Variants in SCAI observed in about 807,000 individuals in gnomAD.
SCAI encodes suppressor of cancer cell invasion.
SCAI carries 24 observed loss-of-function variants against 92.2 expected under a neutral mutation model. The ratio of observed to expected loss-of-function variants is 0.26; its 90% CI spans 0.19 to 0.37. The LOEUF is 0.37. Among genes scored for constraint, SCAI ranks in the 10% least tolerant of loss-of-function variants. The pLI, the probability that SCAI is intolerant of heterozygous loss-of-function variation, is 1.00. For synonymous variants in SCAI, 261 were observed against 258.6 expected (o/e 1.01, Z -0.09); for missense variants, 450 against 736.2 (o/e 0.61, Z 4.50).
chr9:125,116,460 TAAG>T (rs1435447473), intron 2 of SCAI, among the ~76,000 whole-genome samples: 1 of 151,960 alleles, frequency 6.6e-6, no homozygotes, highest in African/African-American at 2.4e-5. Flanking sequence ...ATTTAAAAAA[TAAG>T]AAGTAGAACA....
chr9:125,076,908 G>T (rs917843773), intron 2 of SCAI, among the ~76,000 whole-genome samples: 2 of 152,120 alleles, frequency 1.3e-5, no homozygotes, highest in Non-Finnish European at 2.9e-5. Flanking sequence ...CACCATGTTG[G>T]CCAGGTTGGT....
At chr9:125,021,730 C>T (rs1284156451) in intron 6 of SCAI, among the ~76,000 whole-genome samples, 1 of 152,150 alleles carries the variant, frequency 6.6e-6, no homozygotes. Context: ...TCTTTCGACC[C>T]ATGAGTTACT....
chr9:124,971,854 C>T lies in SCAI; in HGVS notation c.1400-10G>A, dbSNP rs1831665672. ...CCTCGCTGAGATTGATCTGTAATAA[C>T]AAACATGTTATATATATAGACAATA... On this transcript the variant is annotated splice_polypyrimidine_tract_variant and intron_variant, in intron 15 of 17. Coordinates refer to ENST00000336505, the MANE Select transcript of SCAI (RefSeq NM_001144877.3). 2 of 1,561,610 alleles carry T rather than the reference C, an allele frequency of 1.3e-6. No homozygotes were observed. Among genetic ancestry groups the T allele is most frequent in the South Asian group, 2.4e-5 (2 of 82,394 alleles).
intron 2 of SCAI, among the ~76,000 whole-genome samples, chr9:125,133,406 A>G (rs1835446537): frequency 6.6e-6 from 1 of 152,180 alleles, no homozygotes; most frequent in Admixed American, 6.5e-5. Flanking sequence ...AAAAAAAAAG[A>G]TTTTGCTTTT....
Position 125,003,235 on chromosome 9 carries a change from A to G in SCAI, c.964-20T>C. On this transcript the variant is annotated intron_variant, in intron 10 of 17. Coordinates refer to ENST00000336505, the MANE Select transcript of SCAI (RefSeq NM_001144877.3). ...TGATTCCTATATTTACACACAGAAA[A>G]CATTATACATAAAAGCTGCATTTGA... The G allele has an allele frequency of 1.3e-6, 2 of 1,544,250 alleles. No homozygotes were observed. The highest frequency in any genetic ancestry group is 1.8e-6 in the Non-Finnish European group (2 of 1,117,018).
At chr9:125,021,339 T>C (rs764953049) in intron 6 of SCAI, among the ~76,000 whole-genome samples, 2 of 152,182 alleles carry the variant, frequency 1.3e-5, no homozygotes, top group Non-Finnish European at 2.9e-5. Flanking sequence ...TAGGTTTATA[T>C]CTACCACCTT....
At chr9:125,132,471 C>T (rs1835423523) in intron 2 of SCAI, among the ~76,000 whole-genome samples, 1 of 152,152 alleles carries the variant, frequency 6.6e-6, no homozygotes, top group Admixed American at 6.6e-5. Flanking sequence ...CATTCATTTG[C>T]ATGACTTGGA....
intron 9 of SCAI, among the ~76,000 whole-genome samples, chr9:125,009,046 A>C (rs1207517985): frequency 6.6e-6 from 1 of 152,192 alleles, no homozygotes; most frequent in East Asian, 1.9e-4. Flanking sequence ...TAATGAAATT[A>C]AATCTTCAAA....
intron 2 of SCAI, among the ~76,000 whole-genome samples, chr9:125,114,962 C>T (rs1490124422): frequency 5.9e-5 from 9 of 151,828 alleles, no homozygotes; most frequent in South Asian, 2.1e-4. Context: ...TAGTAGAGAC[C>T]GGGTTTTGCC....
chr9:125,067,768 T>G (rs759139570), intron 2 of SCAI, among the ~76,000 whole-genome samples: 1 of 152,140 alleles, frequency 6.6e-6, no homozygotes. Flanking sequence ...AACTAATACA[T>G]AGATACATAA....
At chr9:125,134,692 G>T (rs1835480693) in intron 2 of SCAI, among the ~76,000 whole-genome samples, 1 of 152,106 alleles carries the variant, frequency 6.6e-6, no homozygotes, top group Non-Finnish European at 1.5e-5. Flanking sequence ...TTGTGTGTGT[G>T]TGAGATGGAG....
chr9:125,075,157 C>T (rs533494047), intron 2 of SCAI, among the ~76,000 whole-genome samples: 6 of 152,196 alleles, frequency 3.9e-5, no homozygotes, highest in Admixed American at 1.3e-4. Flanking sequence ...AATCTGGAGA[C>T]GGATGTAAGG....
chr9:125,022,288 C>G (rs1288755446), intron 6 of SCAI, among the ~76,000 whole-genome samples: 1 of 152,146 alleles, frequency 6.6e-6, no homozygotes, highest in East Asian at 1.9e-4. Flanking sequence ...AACCTCTATT[C>G]TCAATAATAC....
chr9:124,952,828 C>G lies in SCAI; in HGVS notation c.1800G>C (p.Glu600Asp). 6.2e-7 allele frequency: 1 copy of G among 1,613,180 alleles called. No homozygotes were observed. Among genetic ancestry groups the G allele is most frequent in the Non-Finnish European group, 8.5e-7 (1 of 1,179,654 alleles). Residue 600 changes from glutamate to aspartate, a missense_variant, in exon 18 of 18, where the codon GAG (glutamate) becomes GAC (aspartate). Physicochemically the swap from Glu to Asp is conservative, Grantham distance 45 (BLOSUM62 2). This residue lies in a region of SCAI where 360 missense variants were observed against 601.8 expected (regional missense o/e 0.60). Coordinates refer to ENST00000336505, the MANE Select transcript of SCAI (RefSeq NM_001144877.3). ...TGTTTTAATAGTCATCAATGGTATT[C>G]TCAAAGAACACGTTTCGAACATCCA... ...SILDVRNVFF[E>D]NTIDDY
intron 2 of SCAI, among the ~76,000 whole-genome samples, chr9:125,096,963 G>C (rs557028185): frequency 6.6e-6 from 1 of 152,036 alleles, no homozygotes; most frequent in Non-Finnish European, 1.5e-5. Context: ...ATAACTTAAC[G>C]TTTAAATAAA....
At chr9:125,108,008 T>C (rs574767815) in intron 2 of SCAI, among the ~76,000 whole-genome samples, 130 of 152,338 alleles carry the variant, frequency 8.5e-4, no homozygotes, top group Non-Finnish European at 1.6e-3. Context: ...GTTTTCGTAT[T>C]TTTTTGGTGG....
At chr9:124,953,810 C>T (rs1365212103) in intron 17 of SCAI, among the ~76,000 whole-genome samples, 1 of 152,200 alleles carries the variant, frequency 6.6e-6, no homozygotes, top group East Asian at 1.9e-4. Context: ...ACATTTCATG[C>T]AACAGTTCAT....
At chr9:125,138,580 G>C (rs978372390) in intron 2 of SCAI, among the ~76,000 whole-genome samples, 21 of 151,932 alleles carry the variant, frequency 1.4e-4, no homozygotes, top group Non-Finnish European at 2.8e-4. Flanking sequence ...ACGTCCAGCT[G>C]ATTTTTTTTG....
chr9:125,082,475 G>C (rs1402739508), intron 2 of SCAI, among the ~76,000 whole-genome samples: 1 of 152,222 alleles, frequency 6.6e-6, no homozygotes, highest in Non-Finnish European at 1.5e-5. Context: ...GCACTGCCTA[G>C]TGGAGCTATG....
Sources: gnomAD v4.1 joint callset for allele counts (sites outside exome capture counted in the v4.1 genomes callset) on GRCh38, gnomAD v4.1.1 for gene constraint, gnomAD v4.1.1 regional missense constraint, MANE v1.5 for transcripts, NCBI Gene and HGNC (gene_info 2026-07-23, HGNC 2026-07-21) for gene names.